POLD2: variants seen among roughly 807,000 people sequenced by gnomAD.
The protein encoded by POLD2 is DNA polymerase delta subunit 2.
POLD2 carries 31 observed loss-of-function variants against 48.8 expected under a neutral mutation model. The observed-to-expected ratio is 0.64, with a 90% CI of 0.48 to 0.86. POLD2 has a LOEUF of 0.86. POLD2 is among the 40% of genes least tolerant of loss of function. The probability of loss-of-function intolerance (pLI) is 0.00; values close to 1 mark genes in which losing one functional copy is unlikely to be tolerated. For synonymous variants in POLD2, 233 were observed against 256.3 expected, an observed-to-expected ratio of 0.91 and a Z score of 0.87; for missense variants, 455 against 610.1, an observed-to-expected ratio of 0.75 and a Z score of 2.68.
upstream of POLD2, among the ~76,000 whole-genome samples, chr7:44,123,857 AACCTCCCAGTGGTCGTCACCCCGCCAG>A (rs1166607025): frequency 1.3e-5 from 2 of 152,186 alleles, no homozygotes; most frequent in African/African-American, 4.8e-5. Context: ...GCCCTGCCCA[AACCTCCCAGTGGTCGTCACCCCGCCAG>A]ACCTCCCAGT....
Position 44,122,097 on chromosome 7 carries a change from C to G in POLD2, c.-44G>C, listed in dbSNP as rs536265104. On this transcript the variant is annotated 5_prime_UTR_variant, in exon 2 of 11. Coordinates refer to ENST00000610533, the MANE Select transcript of POLD2 (RefSeq NM_006230.4). ...CTTGGTCCACACAGCTTCGCCCAGG[C>G]CAAGGAGGTTCACTGCGAAAACACA... The G allele has an allele frequency of 6.3e-7, 1 of 1,597,402 alleles. No individual in the cohort carries two copies. The highest frequency in any genetic ancestry group is 2.2e-5 in the East Asian group (1 of 44,566).
chr7:44,117,157 G>A lies in POLD2; in HGVS notation c.557C>T (p.Pro186Leu). 1.9e-6 allele frequency: 3 copies of A among 1,614,034 alleles called. No individual in the cohort carries two copies. Among genetic ancestry groups the A allele is most frequent in the Non-Finnish European group, 2.5e-6 (3 of 1,179,948 alleles). ...YCFADLAPQK[P>L]APPLDTDRFV... The stretch of plus-strand genomic sequence containing the variant: ...CCTATCTGTGTCAAGTGGGGGTGCG[G>A]GCTTCTGGGGAGCAAGGTCAGCAAA... The change falls in exon 5 of 11, where the codon CCC becomes CTC. Residue 186 changes from proline (P) to leucine (L), a missense_variant. This residue lies in a region of POLD2 where 349 missense variants were observed against 437.4 expected (regional missense o/e 0.80). Coordinates refer to ENST00000610533, the MANE Select transcript of POLD2 (RefSeq NM_006230.4).
intron 2 of POLD2, among the ~76,000 whole-genome samples, chr7:44,120,793 C>T (rs2096247193): frequency 6.6e-6 from 1 of 152,184 alleles, no homozygotes; most frequent in African/African-American, 2.4e-5. Flanking sequence ...TTTCCTGAGG[C>T]CTCCCCAGCC....
chr7:44,118,000 G>C lies in POLD2; in HGVS notation c.285C>G (p.Gly95=). 6.2e-7 allele frequency: 1 copy of C among 1,614,200 alleles called. No individual in the cohort carries two copies. The highest frequency in any genetic ancestry group is 8.5e-7 in the Non-Finnish European group (1 of 1,180,018). ...GCAGCGGCATGGCCTTGAACAGAGT[G>C]CCCACCACACAGCACTTCTCCTCAG... The part of the protein sequence containing the change: ...LQPEEKCCVV[G]TLFKAMPLQP... The change falls in exon 3 of 11, where the codon GGC becomes GGG. Residue 95 remains glycine, a synonymous_variant. Coordinates refer to ENST00000610533, the MANE Select transcript of POLD2 (RefSeq NM_006230.4).
At chr7:44,117,554 T>C in intron 4 of POLD2, 65 bp downstream of exon 4, 1 of 1,412,962 alleles carries the variant, frequency 7.1e-7, no homozygotes, top group African/African-American at 1.4e-5. Flanking sequence ...ACTCACACCA[T>C]CCCTAACACA....
At chr7:44,115,519 G>T in intron 9 of POLD2, 123 bp from the exon 10 acceptor site, 1 of 763,020 alleles carries the variant, frequency 1.3e-6, no homozygotes, top group Non-Finnish European at 2.3e-6. Flanking sequence ...GTGACAATAG[G>T]GGCACCTCCA....
chr7:44,123,798 C>T, upstream of POLD2: 4 of 1,051,994 alleles, frequency 3.8e-6, no homozygotes, highest in Non-Finnish European at 3.8e-6. Context: ...AGGGGTTGGG[C>T]TGACGGGGGG....
intron 10 of POLD2, 52 bp from the exon 11 acceptor site, chr7:44,114,997 C>G: frequency 6.7e-7 from 1 of 1,492,554 alleles, no homozygotes; most frequent in Non-Finnish European, 9.1e-7. Context: ...AGTCCTGCCT[C>G]AAAGAGAAGC....
Position 44,116,424 on chromosome 7 carries a change from G to T in POLD2, c.861+6C>A, listed in dbSNP as rs759840263. On this transcript the variant is annotated splice_donor_region_variant and intron_variant, in intron 7 of 10. Coordinates refer to ENST00000610533, the MANE Select transcript of POLD2 (RefSeq NM_006230.4). The surrounding 1 kb of genome is among the most constrained non-coding windows in gnomAD (Gnocchi z 6.1). ...CCATCACCCCTCCAGCCCCCAGCTCGCTCACGCTCAGCTGCAGGAGGATCT... is the reference window on the plus strand; with the variant it reads ...CCATCACCCCTCCAGCCCCCAGCTCTCTCACGCTCAGCTGCAGGAGGATCT... 1.3e-6 allele frequency: 2 copies of T among 1,574,916 alleles called. No individual in the cohort carries two copies. The highest frequency in any genetic ancestry group is 2.3e-5 in the South Asian group (2 of 86,316).
chr7:44,115,450 G>A, intron 9 of POLD2, 54 bp from the exon 10 acceptor site: 1 of 1,139,428 alleles, frequency 8.8e-7, no homozygotes, highest in Middle Eastern at 1.9e-4. Flanking sequence ...CTAGCACTCT[G>A]CACAGGATGT....
At chr7:44,122,149 C>T (rs2096249172) in intron 1 of POLD2, 40 bp from the exon 2 acceptor site, 2 of 1,506,178 alleles carry the variant, frequency 1.3e-6, no homozygotes, top group South Asian at 1.3e-5. Flanking sequence ...CCCTGTCCAT[C>T]CCCCAAAGCA....
At chr7:44,118,679 AT>A (rs550260995) in intron 2 of POLD2, among the ~76,000 whole-genome samples, 86 of 145,382 alleles carry the variant, frequency 5.9e-4, no homozygotes, top group East Asian at 1.0e-3. Flanking sequence ...CGCCCAGCTA[AT>A]TTTTTTTTTT....
In POLD2 at chr7:44,116,569, T is replaced by C. The variant is rs2096239939; in HGVS notation, c.781-59A>G. On this transcript the variant is annotated intron_variant, in intron 6 of 10. Transcript: ENST00000610533. This position sits in a 1 kb window ranked among gnomAD's most constrained non-coding sequence, Gnocchi z 6.1. ...GGCGAGTCCCAGGCTCAGAGGAGAG[T>C]AGAGCCCCACCAGCTGGAAGATGCA... 2.2e-5 allele frequency: 29 copies of C among 1,338,992 alleles called. No homozygotes were observed. The highest frequency in any genetic ancestry group is 2.7e-5 in the Non-Finnish European group (26 of 955,688). The allele number at this position is 1,338,992 out of a possible 1,614,324, so 82.9% of individuals were successfully genotyped here.
intron 4 of POLD2, 94 bp downstream of exon 4, chr7:44,117,525 C>T (rs924033953): frequency 1.2e-5 from 17 of 1,469,022 alleles, no homozygotes; most frequent in African/African-American, 2.8e-5. Context: ...CACACCCCCC[C>T]ACTCCCCCCA....
chr7:44,118,341 C>T (rs999481802), intron 2 of POLD2: 2 of 318,858 alleles, frequency 6.3e-6, no homozygotes, highest in African/African-American at 2.2e-5. Context: ...AGTGTGAAGA[C>T]GGGCAGAGCG....
At position 44,116,467 on chromosome 7, in the gene POLD2, G is replaced by T; in HGVS notation, c.824C>A (p.Ala275Asp). The part of the protein sequence containing the change: ...TKKTQAASVE[A>D]VKMLDEILLQ... ...GAGGATCTCATCCAGCATCTTAACA[G>T]CCTCCACGCTGGCTGCCTGGGTTTT... Residue 275 changes from alanine (A) to aspartate (D), a missense_variant, in exon 7 of 11, where the codon GCT becomes GAT. Ala to Asp is a moderately radical substitution (Grantham distance 126). This residue lies in a region of POLD2 where 349 missense variants were observed against 437.4 expected (regional missense o/e 0.80). Transcript: ENST00000610533. This position sits in a 1 kb window ranked among gnomAD's most constrained non-coding sequence, Gnocchi z 6.1. The T allele has an allele frequency of 6.3e-7, 1 of 1,585,038 alleles. No individual in the cohort carries two copies.
In POLD2 at chr7:44,115,768, A is replaced by G; in HGVS notation, c.1145T>C (p.Leu382Pro). ...RHISPTAPDT[L>P]GCYPFYKTDP... ...CCCTGTATGGCTGAGCCTGTTACCT[A>G]GAGTGTCAGGGGCTGTGGGGCTGAT... The change falls in exon 9 of 11, where the codon CTA (leucine) becomes CCA (proline). Residue 382 changes from leucine (L) to proline (P), a missense_variant and splice_region_variant. Transcript: ENST00000610533. The G allele has an allele frequency of 6.2e-7, 1 of 1,613,212 alleles. No individual in the cohort carries two copies. The highest frequency in any genetic ancestry group is 8.5e-7 in the Non-Finnish European group (1 of 1,179,830).
In POLD2 at chr7:44,115,412, C is replaced by A; in HGVS notation, c.1148-16G>T. On this transcript the variant is annotated splice_polypyrimidine_tract_variant and intron_variant, in intron 9 of 10. Coordinates refer to ENST00000610533, the MANE Select transcript of POLD2 (RefSeq NM_006230.4). ...GGGTAACAACCTGGAGGAGAAGGGG[C>A]AGCTCTGAGGAGGGTTCCGCCTCAG... 6.6e-7 allele frequency: 1 copy of A among 1,519,064 alleles called. No individual in the cohort carries two copies. Among genetic ancestry groups the A allele is most frequent in the Non-Finnish European group, 9.1e-7 (1 of 1,093,270 alleles). 94.1% of individuals were successfully genotyped at this position (1,519,064 alleles called of 1,614,324 possible). A position where few individuals can be genotyped will look rare whatever the true frequency, so the allele number is the denominator to read the frequency against.
intron 10 of POLD2, 61 bp downstream of exon 10, chr7:44,115,234 C>G (rs1048351880): frequency 8.8e-7 from 1 of 1,138,178 alleles, no homozygotes; most frequent in African/African-American, 1.5e-5. Flanking sequence ...CTCTGTGAAC[C>G]TTGTCCCCAG....
Sources: gnomAD v4.1 joint callset for allele counts (sites outside exome capture counted in the v4.1 genomes callset) on GRCh38, gnomAD v4.1.1 for gene constraint, gnomAD v4.1.1 regional missense constraint, Gnocchi (gnomAD v3.1) non-coding constraint, MANE v1.5 for transcripts, NCBI Gene and HGNC (gene_info 2026-07-23, HGNC 2026-07-21) for gene names.